RASGEF1C: variants seen among roughly 807,000 people sequenced by gnomAD.
The protein encoded by RASGEF1C is ras-GEF domain-containing family member 1C.
RASGEF1C carries 27 observed loss-of-function variants against 58.1 expected under a neutral mutation model. The observed-to-expected ratio is 0.46, with a 90% CI of 0.34 to 0.64. The LOEUF (loss-of-function observed/expected upper bound fraction) is 0.64. RASGEF1C is among the 30% of genes least tolerant of loss of function. The probability of loss-of-function intolerance (pLI) is 0.01; values close to 1 mark genes in which losing one functional copy is unlikely to be tolerated. For missense variants in RASGEF1C, 502 were observed against 605.1 expected (o/e 0.83, Z 1.79); for synonymous variants, 243 against 246.3 (o/e 0.99, Z 0.13).
At chr5:180,157,134 A>C (rs1766864513) in intron 1 of RASGEF1C, among the ~76,000 whole-genome samples, 1 of 152,266 alleles carries the variant, frequency 6.6e-6, no homozygotes, top group Admixed American at 6.5e-5. Context: ...ACATACTCTT[A>C]CCATATAATC....
chr5:180,121,535 C>G (rs570263494), intron 6 of RASGEF1C, among the ~76,000 whole-genome samples: 83 of 152,074 alleles, frequency 5.5e-4, no homozygotes, highest in East Asian at 3.3e-3. Flanking sequence ...GGATGGTCTC[C>G]ATCTCCTGAC....
chr5:180,171,462 C>T (rs559236444), intron 1 of RASGEF1C, among the ~76,000 whole-genome samples: 4 of 152,182 alleles, frequency 2.6e-5, no homozygotes, highest in East Asian at 1.9e-4. Flanking sequence ...CACCCCAGCA[C>T]CCTCAGAGCC....
intron 3 of RASGEF1C, chr5:180,136,900 A>T: frequency 4.7e-6 from 1 of 212,612 alleles, no homozygotes. Context: ...TGGCCACGTG[A>T]CCTAGGATAC....
At chr5:180,182,380 T>C (rs1767358311) in intron 1 of RASGEF1C, among the ~76,000 whole-genome samples, 1 of 151,742 alleles carries the variant, frequency 6.6e-6, no homozygotes, top group Non-Finnish European at 1.5e-5. Flanking sequence ...CTCTTAAAGG[T>C]GGCGCGGACC....
At position 180,119,309 on chromosome 5, in the gene RASGEF1C, G is replaced by A. The variant is rs201470910; in HGVS notation, c.907+37C>T. 1,651 of 1,541,148 alleles carry A rather than the reference G, an allele frequency of 1.1e-3. 3 individuals carry two copies. The highest frequency in any genetic ancestry group is 1.3e-3 in the Non-Finnish European group (1,470 of 1,114,318). ...CCCACTCCGGCCTCTCGGGGGACCCGTGCACTGGGGGCCACAGGCCAGGCC... is the reference window on the plus strand; with the variant it reads ...CCCACTCCGGCCTCTCGGGGGACCCATGCACTGGGGGCCACAGGCCAGGCC... On this transcript the variant is annotated intron_variant, in intron 8 of 13. Transcript: ENST00000361132.
At chr5:180,138,821 C>G (rs1269193014) in intron 1 of RASGEF1C, among the ~76,000 whole-genome samples, 6 of 152,174 alleles carry the variant, frequency 3.9e-5, no homozygotes, top group African/African-American at 1.4e-4. Context: ...CAACTCTGAA[C>G]CACTGCACAT....
At position 180,101,322 on chromosome 5, in the gene RASGEF1C, A is replaced by C; in HGVS notation, c.*179T>G. 1.5e-6 allele frequency: 1 copy of C among 669,694 alleles called. No homozygotes were observed. The highest frequency in any genetic ancestry group is 2.5e-6 in the Non-Finnish European group (1 of 406,356). The allele number at this position is 669,694 out of a possible 1,614,324, so 41.5% of individuals were successfully genotyped here. ...GTCCTGCCAGGGCCAAAGTCCCATA[A>C]AAGGTCTCCTGTGCCCGTATGGCCA... On this transcript the variant is annotated 3_prime_UTR_variant, in exon 14 of 14. Transcript: ENST00000361132.
At chr5:180,187,879 A>C (rs1443289938) in intron 1 of RASGEF1C, among the ~76,000 whole-genome samples, 2 of 152,250 alleles carry the variant, frequency 1.3e-5, no homozygotes, top group Non-Finnish European at 2.9e-5. Context: ...AGAAACGGGA[A>C]ACCTTGTGTG....
intron 8 of RASGEF1C, 46 bp from the exon 9 acceptor site, chr5:180,118,912 GGGCCTC>G: frequency 1.3e-6 from 2 of 1,570,448 alleles, no homozygotes; most frequent in Non-Finnish European, 1.8e-6. Flanking sequence ...TGGGACAGGG[GGGCCTC>G]TGCGTAGCTG....
chr5:180,126,229 A>T (rs1766257671), intron 6 of RASGEF1C, among the ~76,000 whole-genome samples: 1 of 152,140 alleles, frequency 6.6e-6, no homozygotes, highest in East Asian at 1.9e-4. Flanking sequence ...TACACGGTGA[A>T]ACCCTGTCTC....
intron 1 of RASGEF1C, among the ~76,000 whole-genome samples, chr5:180,182,150 A>C (rs1767346366): frequency 7.7e-6 from 1 of 129,740 alleles, no homozygotes; most frequent in East Asian, 2.6e-4. Context: ...GCTTGCAGTG[A>C]GTCGAGATCG....
At position 180,155,916 on chromosome 5, in the gene RASGEF1C, C is replaced by G. The variant is rs544257840; in HGVS notation, c.-6-17858G>C. Among the ~76,000 whole-genome samples the G allele has an allele frequency of 4.6e-5, 7 of 152,164 alleles. No homozygotes were observed. The highest frequency in any genetic ancestry group is 2.0e-4 in the Admixed American group (3 of 15,280). ...CCTGGCCAAGAGGGCACTGTCCCCCCCTCACTGCTGAGCAAGCAAGTGACC... is the reference window on the plus strand; with the variant it reads ...CCTGGCCAAGAGGGCACTGTCCCCCGCTCACTGCTGAGCAAGCAAGTGACC... On this transcript the variant is annotated intron_variant, in intron 1 of 13. Transcript: ENST00000361132. The surrounding 1 kb of genome is among the most constrained non-coding windows in gnomAD (Gnocchi z 5.2).
At chr5:180,106,500 T>A (rs1442802192) in intron 12 of RASGEF1C, among the ~76,000 whole-genome samples, 1 of 152,248 alleles carries the variant, frequency 6.6e-6, no homozygotes, top group Admixed American at 6.5e-5. Flanking sequence ...AATTATTTTT[T>A]AAATTTTCCA....
chr5:180,101,404 G>A lies in RASGEF1C; in HGVS notation c.*97C>T. On this transcript the variant is annotated 3_prime_UTR_variant, in exon 14 of 14. Coordinates refer to ENST00000361132, the MANE Select transcript of RASGEF1C (RefSeq NM_175062.4). ...ACAGGGTCGGCATTTGCAAAATAGT[G>A]AGGCACTCCCTGGCCTCTGCCCACT... 2 of 1,441,412 alleles carry A rather than the reference G, an allele frequency of 1.4e-6. No homozygotes were observed. Among genetic ancestry groups the A allele is most frequent in the Non-Finnish European group, 9.6e-7 (1 of 1,044,572 alleles). 89.3% of individuals were successfully genotyped at this position (1,441,412 alleles called of 1,614,324 possible). A position where few individuals can be genotyped will look rare whatever the true frequency, so the allele number is the denominator to read the frequency against.
rs1295924323 is a variant in RASGEF1C at position 180,158,916 on chromosome 5, A to G, written c.-6-20858T>C. 6.6e-6 allele frequency among the ~76,000 whole-genome samples: 1 copy of G among 152,090 alleles called. No individual in the cohort carries two copies. The stretch of plus-strand genomic sequence containing the variant: ...CCCTGGACTTGTCCTCCAATTTAAA[A>G]AATATTTTCTCTCCTACTTTCCATT... On this transcript the variant is annotated intron_variant, in intron 1 of 13. Transcript: ENST00000361132. This position sits in a 1 kb window ranked among gnomAD's most constrained non-coding sequence, Gnocchi z 4.0.
chr5:180,192,298 A>C (rs1198394594), intron 1 of RASGEF1C, among the ~76,000 whole-genome samples: 7 of 152,182 alleles, frequency 4.6e-5, no homozygotes, highest in East Asian at 1.9e-4. Flanking sequence ...CAGGAAGAAG[A>C]AGCTCCTGAC....
chr5:180,168,326 G>C lies in RASGEF1C; in HGVS notation c.-6-30268C>G, dbSNP rs769981283. 6.6e-6 allele frequency among the ~76,000 whole-genome samples: 1 copy of C among 152,070 alleles called. No homozygotes were observed. The highest frequency in any genetic ancestry group is 6.5e-5 in the Admixed American group (1 of 15,272). ...TGCATGCCTGTAATCGCAGCTACTC[G>C]GGAGACTGAGGCAGGAGAATTGCTT... On this transcript the variant is annotated intron_variant, in intron 1 of 13. Transcript: ENST00000361132. This position sits in a 1 kb window ranked among gnomAD's most constrained non-coding sequence, Gnocchi z 6.0.
At chr5:180,161,642 G>A (rs1016367154) in intron 1 of RASGEF1C, among the ~76,000 whole-genome samples, 1 of 152,258 alleles carries the variant, frequency 6.6e-6, no homozygotes, top group African/African-American at 2.4e-5. Context: ...CCGAGAGGGG[G>A]AGCAGGTGCA....
At chr5:180,202,897 T>A (rs1403338682) in intron 1 of RASGEF1C, among the ~76,000 whole-genome samples, 3 of 151,808 alleles carry the variant, frequency 2.0e-5, no homozygotes, top group Non-Finnish European at 4.4e-5. Context: ...AGAGACGGGG[T>A]TTCACCGTGT....
Sources: allele counts gnomAD v4.1 joint callset (sites outside exome capture counted in the v4.1 genomes callset), GRCh38; gene constraint gnomAD v4.1.1; non-coding constraint Gnocchi (gnomAD v3.1); transcripts MANE v1.5; gene names NCBI Gene and HGNC (gene_info 2026-07-23, HGNC 2026-07-21).